Variants in SYT1 observed in about 807,000 individuals in gnomAD.
SYT1 encodes synaptotagmin-1.
Under a neutral mutation model 44.8 loss-of-function variants are expected in SYT1, and 8 were observed. That is an observed-to-expected ratio of 0.18 (90% CI 0.10 to 0.32). SYT1 has a LOEUF of 0.32. SYT1 is among the 10% of genes least tolerant of loss of function. The pLI, the probability that SYT1 is intolerant of heterozygous loss-of-function variation, is 1.00. For synonymous variants in SYT1, 154 were observed against 188.8 expected (o/e 0.82, Z 1.51); for missense variants, 286 against 509.3 (o/e 0.56, Z 4.22).
intron 1 of SYT1, among the ~76,000 whole-genome samples, chr12:78,891,837 AC>A (rs1299689294): frequency 6.6e-6 from 1 of 151,808 alleles, no homozygotes; most frequent in Admixed American, 6.6e-5. Context: ...GGCAAAATAA[AC>A]CAAACTGAAA....
intron 8 of SYT1, among the ~76,000 whole-genome samples, chr12:79,330,364 C>T (rs1881799639): frequency 6.6e-6 from 1 of 152,180 alleles, no homozygotes; most frequent in Non-Finnish European, 1.5e-5. Context: ...CAGATCAGCA[C>T]CTTGTGCTAA....
At chr12:79,411,307 A>G (rs566263763) in intron 9 of SYT1, among the ~76,000 whole-genome samples, 35 of 152,238 alleles carry the variant, frequency 2.3e-4, no homozygotes, top group African/African-American at 8.4e-4. Flanking sequence ...AAAGTCCCAC[A>G]TAGTACTTCC....
chr12:79,056,651 C>T (rs765267187), intron 3 of SYT1, among the ~76,000 whole-genome samples: 1 of 152,070 alleles, frequency 6.6e-6, no homozygotes, highest in Non-Finnish European at 1.5e-5. Context: ...TTACATCCCA[C>T]ACATTGTTAT....
intron 9 of SYT1, among the ~76,000 whole-genome samples, chr12:79,426,633 C>G (rs1869467160): frequency 6.6e-6 from 1 of 152,126 alleles, no homozygotes; most frequent in Non-Finnish European, 1.5e-5. Context: ...TGATAACCTG[C>G]AGAACTGCTC....
intron 1 of SYT1, among the ~76,000 whole-genome samples, chr12:78,971,320 A>G (rs1249396670): frequency 6.6e-6 from 1 of 152,210 alleles, no homozygotes; most frequent in Admixed American, 6.5e-5. Flanking sequence ...TAAATTTACA[A>G]AAGATAAAAG....
intron 3 of SYT1, among the ~76,000 whole-genome samples, chr12:79,125,985 GAA>G (rs1300656381): frequency 1.6e-4 from 25 of 152,094 alleles, no homozygotes; most frequent in African/African-American, 6.0e-4. Flanking sequence ...CAGTCCATTA[GAA>G]AGTAAGCTCC....
At chr12:78,867,794 A>C (rs968934646) in intron 1 of SYT1, among the ~76,000 whole-genome samples, 1 of 152,054 alleles carries the variant, frequency 6.6e-6, no homozygotes, top group Non-Finnish European at 1.5e-5. Flanking sequence ...ATCAACAAAT[A>C]TGAAAATGAA....
intron 1 of SYT1, among the ~76,000 whole-genome samples, chr12:78,869,788 C>A (rs1179690310): frequency 6.6e-6 from 1 of 151,786 alleles, no homozygotes; most frequent in African/African-American, 2.4e-5. Context: ...TTTATTTAAG[C>A]CTTAAGTTCT....
At chr12:78,894,636 T>A (rs1045084050) in intron 1 of SYT1, among the ~76,000 whole-genome samples, 89 of 151,584 alleles carry the variant, frequency 5.9e-4, no homozygotes, top group Non-Finnish European at 1.3e-4. Context: ...TATGAGCTAG[T>A]TCTTACAATT....
At chr12:79,296,306 C>T (rs1298498924) in intron 7 of SYT1, 70 bp downstream of exon 7, 2 of 1,438,160 alleles carry the variant, frequency 1.4e-6, no homozygotes, top group African/African-American at 1.4e-5. Flanking sequence ...CATCCTGACA[C>T]ATACATAGAC....
At chr12:79,205,035 G>T (rs1457317015) in intron 3 of SYT1, among the ~76,000 whole-genome samples, 1 of 147,952 alleles carries the variant, frequency 6.8e-6, no homozygotes, top group South Asian at 2.1e-4. Flanking sequence ...TGCAATCTCG[G>T]CTCACTGCAA....
At chr12:79,169,234 C>T (rs767986768) in intron 3 of SYT1, among the ~76,000 whole-genome samples, 13 of 151,922 alleles carry the variant, frequency 8.6e-5, no homozygotes, top group Non-Finnish European at 1.8e-4. Context: ...CAAAAATTCA[C>T]AGAAGAATAG....
chr12:79,181,814 AC>A (rs1798915596), intron 3 of SYT1, among the ~76,000 whole-genome samples: 2 of 152,204 alleles, frequency 1.3e-5, no homozygotes, highest in Non-Finnish European at 2.9e-5. Flanking sequence ...TCACATGAAG[AC>A]CAACAACATC....
At chr12:79,204,716 A>C (rs1417216372) in intron 3 of SYT1, among the ~76,000 whole-genome samples, 1 of 151,718 alleles carries the variant, frequency 6.6e-6, no homozygotes, top group African/African-American at 2.4e-5. Context: ...AGGCCTTTAC[A>C]TCTCCCTCTT....
rs143814330 is a variant in SYT1 at position 79,239,656 on chromosome 12, A to T, written c.166+21971A>T. ...AATATTAGTGGCTTAAAACAACACA[A>T]CGTTTATTATCTCACAGTTTACATG... On this transcript the variant is annotated intron_variant, in intron 4 of 10. Coordinates refer to ENST00000261205, the MANE Select transcript of SYT1 (RefSeq NM_005639.3). 8.6e-3 allele frequency among the ~76,000 whole-genome samples: 1,303 copies of T among 152,328 alleles called. 11 individuals are homozygous for T. Among genetic ancestry groups the T allele is most frequent in the African/African-American group, 0.03 (1,234 of 41,572 alleles).
intron 1 of SYT1, among the ~76,000 whole-genome samples, chr12:78,922,790 G>A (rs926099285): frequency 6.6e-6 from 1 of 151,942 alleles, no homozygotes; most frequent in Non-Finnish European, 1.5e-5. Flanking sequence ...GAATTATAAA[G>A]GAGTGTTCTT....
chr12:79,259,640 A>G (rs578061622), intron 4 of SYT1, among the ~76,000 whole-genome samples: 38 of 152,284 alleles, frequency 2.5e-4, no homozygotes, highest in African/African-American at 8.4e-4. Context: ...AGGCTGAGGC[A>G]GGAGGATCTC....
At chr12:78,868,522 C>T (rs146124033) in intron 1 of SYT1, among the ~76,000 whole-genome samples, 68 of 151,708 alleles carry the variant, frequency 4.5e-4, no homozygotes, top group African/African-American at 1.6e-3. Context: ...TAAAAAGAGA[C>T]AAAGTATATG....
At chr12:78,873,040 C>A (rs191959299) in intron 1 of SYT1, among the ~76,000 whole-genome samples, 96 of 151,778 alleles carry the variant, frequency 6.3e-4, no homozygotes, top group African/African-American at 2.2e-3. Flanking sequence ...GCAATGGTAA[C>A]AAGTTACTGT....
Sources: allele counts gnomAD v4.1 joint callset (sites outside exome capture counted in the v4.1 genomes callset), GRCh38; gene constraint gnomAD v4.1.1; transcripts MANE v1.5; gene names NCBI Gene and HGNC (gene_info 2026-07-23, HGNC 2026-07-21).